Variants in PRR14L observed in about 807,000 individuals in gnomAD.
The protein encoded by PRR14L is proline rich 14 like.
Under a neutral mutation model 155.0 loss-of-function variants are expected in PRR14L, and 80 were observed. That is an observed-to-expected ratio of 0.52 (90% confidence interval 0.43 to 0.62). PRR14L has a LOEUF of 0.62. Ranked by LOEUF, PRR14L falls within the 20% of genes least tolerant of loss-of-function variation. The pLI is 0.00. For missense variants in PRR14L, 2,469 were observed against 2,548.0 expected (o/e 0.97, Z 0.67); for synonymous variants, 883 against 916.0 (o/e 0.96, Z 0.65).
chr22:31,738,999 A>G, intron 1 of PRR14L, 88 bp from the exon 2 acceptor site: 1 of 594,540 alleles, frequency 1.7e-6, no homozygotes, highest in Non-Finnish European at 2.9e-6. Flanking sequence ...TACAACGAAG[A>G]AAATAAGTTC....
chr22:31,687,035 C>T (rs116059104), intron 8 of PRR14L, among the ~76,000 whole-genome samples: 2,206 of 152,210 alleles, frequency 0.014, 56 homozygotes, highest in African/African-American at 0.051. Flanking sequence ...GTTTATACTT[C>T]TTTTTTCTTT....
At chr22:31,732,984 G>C (rs183988590) in intron 2 of PRR14L, among the ~76,000 whole-genome samples, 1 of 150,484 alleles carries the variant, frequency 6.6e-6, no homozygotes, top group African/African-American at 2.4e-5. Flanking sequence ...TGCTAGAAGT[G>C]TATCTTTTTT....
Position 31,715,424 on chromosome 22 carries a change from A to T in PRR14L, c.2415T>A (p.Ala805=). 2 of 1,552,416 alleles carry T rather than the reference A, an allele frequency of 1.3e-6. No individual in the cohort carries two copies. Among genetic ancestry groups the T allele is most frequent in the Non-Finnish European group, 1.7e-6 (2 of 1,147,150 alleles). The change falls in exon 4 of 9, where the codon GCT becomes GCA. Residue 805 remains alanine (A), a synonymous_variant. Transcript: ENST00000327423. ...VSQENMCSAS[A]AFKSSKISLQ... ...GGCTGATTTTGCTGGACTTGAAAGC[A>T]GCAGAAGCAGAACACATGTTTTCCT...
At position 31,738,771 on chromosome 22, in the gene PRR14L, T is replaced by A; in HGVS notation, c.90A>T (p.Val30=). The A allele has an allele frequency of 6.4e-7, 1 of 1,551,908 alleles. No individual in the cohort carries two copies. ...CAGCATGAAGCTCTCTGGAGACACT[T>A]ACTGGGAGTTCAGAGTATAATTCCT... ...VVQELYSELP[V]SVSRELHADP... Residue 30 remains valine (V), a synonymous_variant, in exon 2 of 9, where the codon GTA becomes GTT. Transcript: ENST00000327423.
chr22:31,711,343 T>C (rs754308338), intron 4 of PRR14L, among the ~76,000 whole-genome samples: 2 of 151,952 alleles, frequency 1.3e-5, no homozygotes, highest in Non-Finnish European at 2.9e-5. Flanking sequence ...TGGTGACACG[T>C]GCCTGTAATC....
At chr22:31,737,496 G>C (rs1260691326) in intron 2 of PRR14L, among the ~76,000 whole-genome samples, 1 of 151,424 alleles carries the variant, frequency 6.6e-6, no homozygotes, top group Non-Finnish European at 1.5e-5. Flanking sequence ...AAAGAAAAAA[G>C]AATTTGGAGG....
Position 31,716,614 on chromosome 22 carries a change from TTTCACTCCTAGGAATCAAA to T in PRR14L, c.1206_1224del (p.Leu403GlufsTer51), listed in dbSNP as rs2074661789. 6.4e-7 allele frequency: 1 copy of T among 1,551,766 alleles called. No individual in the cohort carries two copies. Among genetic ancestry groups the T allele is most frequent in the Non-Finnish European group, 8.7e-7 (1 of 1,147,032 alleles). On this transcript the variant is annotated frameshift_variant, in exon 4 of 9. Coordinates refer to ENST00000327423, the MANE Select transcript of PRR14L (RefSeq NM_173566.3). LOFTEE classifies it high-confidence loss of function. ...GCATTAAAAAGAAAAGGTCCACCTCTTTCACTCCTAGGAATCAAAAGCCGTTCCTCATTTTCTTCTCTAG... is the reference window on the plus strand; with the variant it reads ...GCATTAAAAAGAAAAGGTCCACCTCTAGCCGTTCCTCATTTTCTTCTCTAG...
In PRR14L at chr22:31,681,593, A is replaced by G. The variant is rs139201317; in HGVS notation, c.*3934T>C. Reference sequence around the variant, plus strand: ...GCCTCTCACCAAGAATTCAAATCCAATTCAGCACCAGAGAGGGGCTTGTGA... The same window carrying G: ...GCCTCTCACCAAGAATTCAAATCCAGTTCAGCACCAGAGAGGGGCTTGTGA... On this transcript the variant is annotated 3_prime_UTR_variant, in exon 9 of 9. Transcript: ENST00000327423. The G allele has an allele frequency of 1.3e-5, 2 of 152,286 alleles. No homozygotes were observed. The highest frequency in any genetic ancestry group is 1.9e-4 in the East Asian group (1 of 5,174). 9.4% of individuals were successfully genotyped at this position (152,286 alleles called of 1,614,324 possible). A position where few individuals can be genotyped will look rare whatever the true frequency, so the allele number is the denominator to read the frequency against.
At chr22:31,724,038 C>A (rs2074704540) in intron 3 of PRR14L, among the ~76,000 whole-genome samples, 1 of 152,180 alleles carries the variant, frequency 6.6e-6, no homozygotes, top group African/African-American at 2.4e-5. Flanking sequence ...GCATTATATT[C>A]TCATAGGAGC....
intron 8 of PRR14L, among the ~76,000 whole-genome samples, chr22:31,686,693 C>G (rs1278200161): frequency 6.6e-6 from 1 of 152,116 alleles, no homozygotes; most frequent in African/African-American, 2.4e-5. Flanking sequence ...CTTGGCCTCC[C>G]AAAGTGGTGC....
chr22:31,714,131 T>C lies in PRR14L; in HGVS notation c.3708A>G (p.Lys1236=), dbSNP rs1331856486. Residue 1236 remains lysine, a synonymous_variant, in exon 4 of 9, where the codon AAA becomes AAG. Coordinates refer to ENST00000327423, the MANE Select transcript of PRR14L (RefSeq NM_173566.3). Reference sequence around the variant, plus strand: ...CTTGAGAAGGCATTATTTCAATGGATTTCAGGCTTCTTAGGGAAACAGAGC... The same window carrying C: ...CTTGAGAAGGCATTATTTCAATGGACTTCAGGCTTCTTAGGGAAACAGAGC... ...DESSVSLRSL[K]SIEIMPSQEN... 6.4e-7 allele frequency: 1 copy of C among 1,551,542 alleles called. No homozygotes were observed. The highest frequency in any genetic ancestry group is 2.4e-5 in the East Asian group (1 of 40,916).
intron 3 of PRR14L, among the ~76,000 whole-genome samples, chr22:31,721,049 C>T (rs1409794612): frequency 6.6e-6 from 1 of 152,200 alleles, no homozygotes; most frequent in Non-Finnish European, 1.5e-5. Context: ...TTGATAACAT[C>T]AGTTTTGTAA....
At chr22:31,710,806 C>A (rs2074616733) in intron 4 of PRR14L, among the ~76,000 whole-genome samples, 1 of 152,066 alleles carries the variant, frequency 6.6e-6, no homozygotes, top group African/African-American at 2.4e-5. Flanking sequence ...TCTTTTTCTT[C>A]TCTTATTTTC....
intron 2 of PRR14L, among the ~76,000 whole-genome samples, chr22:31,727,646 G>A (rs1734899146): frequency 6.6e-6 from 1 of 152,180 alleles, no homozygotes; most frequent in Non-Finnish European, 1.5e-5. Context: ...GAAGGCTGGA[G>A]ACTCTACAAG....
At chr22:31,742,228 A>G (rs909698760) in intron 1 of PRR14L, among the ~76,000 whole-genome samples, 2 of 152,148 alleles carry the variant, frequency 1.3e-5, no homozygotes, top group African/African-American at 4.8e-5. Flanking sequence ...CTGCCACCTT[A>G]TGCATCTGAT....
chr22:31,725,716 T>A, intron 2 of PRR14L, 106 bp from the exon 3 acceptor site: 1 of 709,096 alleles, frequency 1.4e-6, no homozygotes, highest in Non-Finnish European at 2.4e-6. Flanking sequence ...GTTCCCAGAC[T>A]GAAGTGCAAT....
intron 6 of PRR14L, among the ~76,000 whole-genome samples, chr22:31,702,822 T>C (rs1188420559): frequency 8.7e-6 from 1 of 114,586 alleles, no homozygotes; most frequent in Non-Finnish European, 1.9e-5. Flanking sequence ...GGCCTTTTAT[T>C]TTTTTTTTAA....
chr22:31,712,309 G>A lies in PRR14L; in HGVS notation c.5530C>T (p.His1844Tyr), dbSNP rs1469818954. The change falls in exon 4 of 9, where the codon CAC becomes TAC. Residue 1844 changes from histidine to tyrosine, a missense_variant. Around this residue, in one of 2 missense-constraint regions of PRR14L, gnomAD observed 2,363 missense variants for 2,371.6 expected, o/e 1.00. Coordinates refer to ENST00000327423, the MANE Select transcript of PRR14L (RefSeq NM_173566.3). The part of the protein sequence containing the change: ...IWTKKRSFSS[H>Y]MPTMQRLFMT... Reference sequence around the variant, plus strand: ...AAGAGCCTCTGCATGGTAGGCATGTGGCTGGAGAAGCTCCGTTTTTTTGTC... The same window carrying A: ...AAGAGCCTCTGCATGGTAGGCATGTAGCTGGAGAAGCTCCGTTTTTTTGTC... 6.2e-7 allele frequency: 1 copy of A among 1,614,170 alleles called. No homozygotes were observed. The highest frequency in any genetic ancestry group is 2.2e-5 in the East Asian group (1 of 44,884).
At chr22:31,701,856 GGT>G in intron 6 of PRR14L, 94 bp from the exon 7 acceptor site, 4 of 870,126 alleles carry the variant, frequency 4.6e-6, no homozygotes, top group Non-Finnish European at 7.1e-6. Flanking sequence ...GGCCCAGGCT[GGT>G]GTGAAGTGGT....
Sources: allele counts gnomAD v4.1 joint callset (sites outside exome capture counted in the v4.1 genomes callset), GRCh38; gene constraint gnomAD v4.1.1; regional missense constraint gnomAD v4.1.1; transcripts MANE v1.5; gene names NCBI Gene and HGNC (gene_info 2026-07-23, HGNC 2026-07-21).